WWOX: variants seen among roughly 807,000 people sequenced by gnomAD.
WWOX encodes WW domain-containing oxidoreductase.
A neutral mutation model predicts 46.2 loss-of-function variants in WWOX; 69 were observed. That is an observed-to-expected ratio of 1.49 (90% CI 1.23 to 1.82). WWOX has a LOEUF of 1.82. Among genes scored for constraint, WWOX ranks in the 40% most tolerant of loss-of-function variants. The pLI, the probability that WWOX is intolerant of heterozygous loss-of-function variation, is 0.00. For missense variants in WWOX, 919 were observed against 542.6 expected (o/e 1.69, Z -6.89); for synonymous variants, 359 against 202.6 (o/e 1.77, Z -6.56).
At chr16:78,805,930 A>G (rs1030327460) in intron 8 of WWOX, among the ~76,000 whole-genome samples, 8 of 152,198 alleles carry the variant, frequency 5.3e-5, no homozygotes, top group African/African-American at 1.9e-4. Flanking sequence ...TCTTTTGAAC[A>G]TTAGGGAATA....
chr16:78,117,094 T>C (rs1360584264), intron 4 of WWOX, among the ~76,000 whole-genome samples: 1 of 152,236 alleles, frequency 6.6e-6, no homozygotes, highest in African/African-American at 2.4e-5. Flanking sequence ...TTGTGGTTGC[T>C]GAGAATGGCC....
intron 8 of WWOX, among the ~76,000 whole-genome samples, chr16:78,474,985 C>A (rs939737913): frequency 1.3e-5 from 2 of 151,930 alleles, no homozygotes; most frequent in African/African-American, 4.8e-5. Context: ...TTAGGCACGC[C>A]AGGTTTATGA....
chr16:78,452,475 C>CTTTTTTTTTTTTTTT (rs397945707), intron 8 of WWOX, among the ~76,000 whole-genome samples: 1 of 126,074 alleles, frequency 7.9e-6, no homozygotes, highest in Non-Finnish European at 1.6e-5. Flanking sequence ...CTCTCTCTCT[C>CTTTTTTTTTTTTTTT]TTTTTTTTTT....
intron 8 of WWOX, among the ~76,000 whole-genome samples, chr16:78,467,143 G>A (rs1312391730): frequency 6.6e-6 from 1 of 152,134 alleles, no homozygotes; most frequent in Non-Finnish European, 1.5e-5. Flanking sequence ...GAATTTCAAA[G>A]CCAAAGATTC....
At chr16:78,648,379 G>A (rs2046893117) in intron 8 of WWOX, among the ~76,000 whole-genome samples, 1 of 152,240 alleles carries the variant, frequency 6.6e-6, no homozygotes, top group African/African-American at 2.4e-5. Flanking sequence ...TTACTGCTTT[G>A]GGGAAGAGTT....
intron 8 of WWOX, among the ~76,000 whole-genome samples, chr16:78,979,715 A>G (rs772593170): frequency 1.3e-5 from 2 of 152,132 alleles, no homozygotes; most frequent in African/African-American, 4.8e-5. Context: ...GAGGCATGAG[A>G]TGCTGAAGAT....
At chr16:78,375,886 C>G (rs1170904107) in intron 5 of WWOX, among the ~76,000 whole-genome samples, 2 of 141,408 alleles carry the variant, frequency 1.4e-5, no homozygotes, top group East Asian at 4.1e-4. Flanking sequence ...GAGTCTTGCT[C>G]TGTTGCCCAG....
intron 5 of WWOX, among the ~76,000 whole-genome samples, chr16:78,358,666 A>AT (rs1176980343): frequency 2.6e-5 from 2 of 78,220 alleles, no homozygotes; most frequent in Non-Finnish European, 5.7e-5. Flanking sequence ...TCAAAAAATA[A>AT]ATAATATGTG....
chr16:78,457,018 C>T (rs1002742158), intron 8 of WWOX, among the ~76,000 whole-genome samples: 1 of 152,192 alleles, frequency 6.6e-6, no homozygotes, highest in Non-Finnish European at 1.5e-5. Flanking sequence ...ATGCTACTGG[C>T]AGGATGGTTA....
chr16:78,367,374 G>A (rs547217234), intron 5 of WWOX, among the ~76,000 whole-genome samples: 2 of 151,052 alleles, frequency 1.3e-5, no homozygotes, highest in Non-Finnish European at 2.9e-5. Flanking sequence ...CAACACAAAT[G>A]TATAAACTTG....
At chr16:79,097,657 T>A (rs904437565) in intron 8 of WWOX, among the ~76,000 whole-genome samples, 2 of 152,164 alleles carry the variant, frequency 1.3e-5, no homozygotes, top group Non-Finnish European at 2.9e-5. Context: ...TAGGTTTGTG[T>A]GCTAGGGGTG....
chr16:78,333,912 T>C (rs1392768953), intron 5 of WWOX, among the ~76,000 whole-genome samples: 1 of 150,770 alleles, frequency 6.6e-6, no homozygotes, highest in East Asian at 2.0e-4. Flanking sequence ...AGGTATCATC[T>C]CCTCCCCCTC....
chr16:79,167,382 T>A (rs1284546313), intron 8 of WWOX, among the ~76,000 whole-genome samples: 1 of 152,198 alleles, frequency 6.6e-6, no homozygotes, highest in African/African-American at 2.4e-5. Flanking sequence ...ATTTGGTTTT[T>A]TTCTGTAGTG....
At chr16:78,518,954 A>T (rs1304355740) in intron 8 of WWOX, among the ~76,000 whole-genome samples, 1 of 152,246 alleles carries the variant, frequency 6.6e-6, no homozygotes, top group Admixed American at 6.5e-5. Flanking sequence ...AAGGCAGCTT[A>T]CAGAAAAAAA....
intron 5 of WWOX, chr16:78,278,643 A>T: frequency 6.2e-7 from 1 of 1,611,066 alleles, no homozygotes; most frequent in East Asian, 2.2e-5. Flanking sequence ...TGCAGAATAA[A>T]AATTTTCCAC....
chr16:78,708,293 C>G (rs1051129223), intron 8 of WWOX, among the ~76,000 whole-genome samples: 11 of 152,142 alleles, frequency 7.2e-5, no homozygotes, highest in African/African-American at 2.7e-4. Flanking sequence ...GGAGCATATA[C>G]TCTAAAAATT....
At chr16:78,962,439 G>T (rs1229547039) in intron 8 of WWOX, among the ~76,000 whole-genome samples, 3 of 150,520 alleles carry the variant, frequency 2.0e-5, no homozygotes, top group Non-Finnish European at 2.9e-5. Context: ...TTTCCTTGTA[G>T]GCCAAGCTTA....
At chr16:79,211,461 T>C in intron 8 of WWOX, 147 bp from the exon 9 acceptor site, 2 of 988,862 alleles carry the variant, frequency 2.0e-6, no homozygotes, top group Non-Finnish European at 3.1e-6. Flanking sequence ...GTCATGTGCT[T>C]TCAGCCCAGT....
intron 8 of WWOX, among the ~76,000 whole-genome samples, chr16:79,081,220 G>T (rs934645212): frequency 6.6e-6 from 1 of 152,172 alleles, no homozygotes; most frequent in African/African-American, 2.4e-5. Flanking sequence ...CTCGAGTGCA[G>T]TGGCAGCATC....
Sources: allele counts gnomAD v4.1 joint callset (sites outside exome capture counted in the v4.1 genomes callset), GRCh38; gene constraint gnomAD v4.1.1; transcripts MANE v1.5; gene names NCBI Gene and HGNC (gene_info 2026-07-23, HGNC 2026-07-21).